The following HLA-F variants were observed in gnomAD, a reference collection of about 807,000 sequenced individuals.
HLA-F encodes the protein HLA class I histocompatibility antigen, alpha chain F.
HLA-F carries 46 observed loss-of-function variants against 49.5 expected under a neutral mutation model. The observed-to-expected ratio is 0.93, with a 90% CI of 0.73 to 1.19. The LOEUF (loss-of-function observed/expected upper bound fraction) is 1.19. HLA-F is among the 50% of genes most tolerant of loss of function. HLA-F has a pLI of 0.00. For synonymous variants in HLA-F, 203 were observed against 233.5 expected (o/e 0.87, Z 1.19); for missense variants, 496 against 579.6 (o/e 0.86, Z 1.48).
Position 29,727,172 on chromosome 6 carries a change from C to T in HLA-F, c.1326C>T (p.Asp442=). The T allele has an allele frequency of 6.4e-7, 1 of 1,574,286 alleles. No homozygotes were observed. The highest frequency in any genetic ancestry group is 1.2e-5 in the South Asian group (1 of 83,996). The change falls in exon 7 of 7, where the codon GAC becomes GAT. Residue 442 remains aspartate, a synonymous_variant. Transcript: ENST00000259951. ...LMKRVQIKIF[D] is the part of the protein sequence containing the mutation. ...AAAGGGTCCAGATTAAGATTTTTGA[C>T]TGAGTCATTCTAAAGTAAGTTGCAA...
At chr6:29,725,919 A>G (rs951062844) in intron 5 of HLA-F, 92 bp from the exon 6 acceptor site, 2 of 1,401,262 alleles carry the variant, frequency 1.4e-6, no homozygotes, top group African/African-American at 2.9e-5. Flanking sequence ...CTTTTCTGGA[A>G]ACTTCTCTGG....
intron 6 of HLA-F, chr6:29,726,267 T>TG (rs3835204): frequency 0.15 from 149,574 of 1,009,708 alleles, 13,729 homozygotes; most frequent in South Asian, 0.29. Flanking sequence ...AGTGGGGTGT[T>TG]GGGGGGGAAC....
At chr6:29,727,887 A>G (rs538738797), downstream of HLA-F, 27 of 499,780 alleles carry the variant, frequency 5.4e-5, no homozygotes, top group African/African-American at 5.0e-4. Context: ...CTCCAGACCT[A>G]GACTCCCTTC....
At position 29,724,380 on chromosome 6, in the gene HLA-F, T is replaced by C. The variant is rs754798680; in HGVS notation, c.542T>C (p.Leu181Pro). The C allele has an allele frequency of 1.2e-5, 20 of 1,613,076 alleles. No homozygotes were observed. In the Admixed American group the frequency reaches 3.0e-4, roughly 24 times the overall value. ...EEYAEEFRTY[L>P]EGECLELLRR... ...TATGCAGAGGAGTTCAGGACCTACC[T>C]GGAGGGCGAGTGCCTGGAGTTGCTC... Residue 181 changes from leucine to proline, a missense_variant, in exon 3 of 7, where the codon CTG becomes CCG. Leu to Pro is a moderately conservative substitution (Grantham distance 98). Coordinates refer to ENST00000259951, the MANE Select transcript of HLA-F (RefSeq NM_001098479.2).
At chr6:29,736,477 A>G in intron 3 of HLA-F, 2 of 446,156 alleles carry the variant, frequency 4.5e-6, no homozygotes, top group South Asian at 3.2e-5. Flanking sequence ...GTTTCAAAAC[A>G]TCAGAAATGT....
At chr6:29,728,392 A>G, downstream of HLA-F, 1 of 306,140 alleles carries the variant, frequency 3.3e-6, no homozygotes, top group Non-Finnish European at 6.5e-6. Flanking sequence ...TGCAGAAGTG[A>G]TGATATGTGC....
chr6:29,734,579 G>T (rs911725194), intron 3 of HLA-F, among the ~76,000 whole-genome samples: 12 of 152,158 alleles, frequency 7.9e-5, no homozygotes, highest in African/African-American at 2.9e-4. Context: ...CAGATGGGCA[G>T]ATGCTCAAGC....
intron 3 of HLA-F, chr6:29,736,353 G>A: frequency 2.2e-6 from 1 of 448,842 alleles, no homozygotes; most frequent in South Asian, 1.6e-5. Context: ...TCCTCTTAAT[G>A]TCTGAGTCAC....
At chr6:29,736,698 T>G (rs1021583840) in intron 3 of HLA-F, 2 of 269,464 alleles carry the variant, frequency 7.4e-6, no homozygotes, top group East Asian at 1.1e-4. Context: ...TATGATAGAT[T>G]AGTTCTGTCA....
chr6:29,727,585 G>A (rs1197828787), downstream of HLA-F, among the ~76,000 whole-genome samples: 2 of 152,066 alleles, frequency 1.3e-5, no homozygotes, highest in East Asian at 3.9e-4. Flanking sequence ...AAGGACCTAT[G>A]TAGCTCTGGG....
At chr6:29,726,644 T>G in intron 6 of HLA-F, 2 of 1,515,988 alleles carry the variant, frequency 1.3e-6, no homozygotes, top group Non-Finnish European at 8.9e-7. Flanking sequence ...ATACATATAT[T>G]TGGAACTAGC....
In HLA-F at chr6:29,725,273, G is replaced by A. The variant is rs1775905697; in HGVS notation, c.853G>A (p.Glu285Lys). ...EQRYTCHVQH[E>K]GLPQPLILRW... is the part of the protein sequence containing the mutation. Reference sequence around the variant, plus strand: ...GAGATACACATGCCATGTGCAGCACGAGGGGCTGCCCCAGCCCCTCATCCT... The same window carrying A: ...GAGATACACATGCCATGTGCAGCACAAGGGGCTGCCCCAGCCCCTCATCCT... The change falls in exon 4 of 7, where the codon GAG becomes AAG. Residue 285 changes from glutamate to lysine, a missense_variant. Transcript: ENST00000259951. 6.2e-7 allele frequency: 1 copy of A among 1,614,192 alleles called. No homozygotes were observed. The highest frequency in any genetic ancestry group is 1.1e-5 in the South Asian group (1 of 91,088).
rs377103866 is a variant in HLA-F at position 29,725,256 on chromosome 6, C to T, written c.836C>T (p.Thr279Ile). The T allele has an allele frequency of 1.8e-5, 29 of 1,614,182 alleles. No individual in the cohort carries two copies. In the African/African-American group the frequency reaches 3.7e-4, roughly 21 times the overall value. ...VVPPGEEQRY[T>I]CHVQHEGLPQ... ...CCTCCTGGAGAGGAACAGAGATACACATGCCATGTGCAGCACGAGGGGCTG... is the reference window on the plus strand; with the variant it reads ...CCTCCTGGAGAGGAACAGAGATACATATGCCATGTGCAGCACGAGGGGCTG... Residue 279 changes from threonine (T) to isoleucine (I), a missense_variant, in exon 4 of 7, where the codon ACA becomes ATA. Coordinates refer to ENST00000259951, the MANE Select transcript of HLA-F (RefSeq NM_001098479.2).
intron 3 of HLA-F, chr6:29,736,115 T>G (rs1201304355): frequency 4.0e-6 from 1 of 247,340 alleles, no homozygotes; most frequent in Non-Finnish European, 8.1e-6. Context: ...TACCTCTCTC[T>G]TCCATCCCCC....
rs1379023984 is a variant in HLA-F, at chr6:29,723,643, C to G, written c.65-15C>G. The G allele has an allele frequency of 1.1e-5, 17 of 1,605,732 alleles. No individual in the cohort carries two copies. The highest frequency in any genetic ancestry group is 1.4e-5 in the Non-Finnish European group (16 of 1,176,336). Reference sequence around the variant, plus strand: ...GAGGAGGGTCTGGCGGGTCTCAGCCCCTCCTCGCCCCCAGGCTCCCACTCC... The same window carrying G: ...GAGGAGGGTCTGGCGGGTCTCAGCCGCTCCTCGCCCCCAGGCTCCCACTCC... On this transcript the variant is annotated splice_polypyrimidine_tract_variant and intron_variant, in intron 1 of 6. Coordinates refer to ENST00000259951, the MANE Select transcript of HLA-F (RefSeq NM_001098479.2).
At chr6:29,731,748 C>T (rs1776637248), downstream of HLA-F, among the ~76,000 whole-genome samples, 1 of 143,278 alleles carries the variant, frequency 7.0e-6, no homozygotes, top group South Asian at 2.5e-4. Context: ...CTAAAATTAA[C>T]CATTACAGTC....
intron 1 of HLA-F, 50 bp downstream of exon 1, chr6:29,723,577 G>T (rs779226984): frequency 1.5e-5 from 24 of 1,596,766 alleles, no homozygotes; most frequent in Non-Finnish European, 1.8e-5. Context: ...GGAGTGAGGG[G>T]CCCGCCCGGT....
chr6:29,729,617 C>T (rs888902075), downstream of HLA-F, among the ~76,000 whole-genome samples: 2 of 152,046 alleles, frequency 1.3e-5, no homozygotes, highest in African/African-American at 2.4e-5. Context: ...TGAGCAAAAG[C>T]ACAACCAATA....
rs371981513 is a variant in HLA-F, at chr6:29,725,988, C to T, written c.1004-23C>T. 10 of 1,613,764 alleles carry T rather than the reference C, an allele frequency of 6.2e-6. No homozygotes were observed. In the South Asian group the frequency reaches 7.7e-5, roughly 12 times the overall value. ...TGGCCCTGCCTCCTTTCTGGCCTCT[C>T]ACAGGACATTTTCTTCCCATAGATA... is the stretch of plus-strand genomic sequence containing the variant. On this transcript the variant is annotated intron_variant, in intron 5 of 6. Coordinates refer to ENST00000259951, the MANE Select transcript of HLA-F (RefSeq NM_001098479.2).
Sources: allele counts gnomAD v4.1 joint callset (sites outside exome capture counted in the v4.1 genomes callset), GRCh38; gene constraint gnomAD v4.1.1; transcripts MANE v1.5; gene names NCBI Gene and HGNC (gene_info 2026-07-23, HGNC 2026-07-21).